IGSF9B: variants seen among roughly 807,000 people sequenced by gnomAD.
The protein encoded by IGSF9B is immunoglobulin superfamily member 9B.
A neutral mutation model predicts 143.7 loss-of-function variants in IGSF9B; 48 were observed. The ratio of observed to expected loss-of-function variants is 0.33; its 90% CI spans 0.26 to 0.42. The LOEUF (loss-of-function observed/expected upper bound fraction) is 0.42. Among genes scored for constraint, IGSF9B ranks in the 20% least tolerant of loss-of-function variants. The probability of loss-of-function intolerance (pLI) is 1.00; values close to 1 mark genes in which losing one functional copy is unlikely to be tolerated. For missense variants in IGSF9B, 1,706 were observed against 1,980.0 expected, an observed-to-expected ratio of 0.86 and a Z score of 2.63; for synonymous variants, 903 against 833.1, an observed-to-expected ratio of 1.08 and a Z score of -1.44.
chr11:133,936,015 G>A (rs1215125193), intron 6 of IGSF9B, 38 bp downstream of exon 6: 1 of 1,606,544 alleles, frequency 6.2e-7, no homozygotes, highest in Non-Finnish European at 8.5e-7. Flanking sequence ...GGGGGCTGGG[G>A]TGGCAACCTC....
chr11:133,942,461 A>C (rs573321325), intron 3 of IGSF9B, among the ~76,000 whole-genome samples: 32 of 152,308 alleles, frequency 2.1e-4, no homozygotes, highest in African/African-American at 7.5e-4. Context: ...CGTGCAAACT[A>C]ACACAGATAC....
intron 3 of IGSF9B, among the ~76,000 whole-genome samples, chr11:133,940,131 C>T (rs1236186749): frequency 7.5e-5 from 11 of 146,494 alleles, no homozygotes; most frequent in Non-Finnish European, 1.5e-4. Context: ...CGCACGTCCT[C>T]GCACGCGTCA....
Position 133,937,874 on chromosome 11 carries a change from T to C in IGSF9B, c.497A>G (p.Asn166Ser). ...SITMTCTAFGNPKPIVTWLKE... is the reference protein window; with the variant it reads ...SITMTCTAFGSPKPIVTWLKE... ...GAGCCAGGTGACAATGGGCTTGGGG[T>C]TCCCAAAAGCTGTGCAGGTCATGGT... Residue 166 changes from asparagine (N) to serine (S), a missense_variant, in exon 4 of 20, where the codon AAC becomes AGC. By Grantham distance (46) the Asn-to-Ser change is conservative (BLOSUM62 1). Transcript: ENST00000533871. The C allele has an allele frequency of 6.2e-7, 1 of 1,611,848 alleles. No homozygotes were observed.
chr11:133,952,062 C>T (rs975499176), intron 1 of IGSF9B: 2 of 455,732 alleles, frequency 4.4e-6, no homozygotes, highest in Non-Finnish European at 8.8e-6. Context: ...TCAGAAAGGA[C>T]AGTCAGGCCG....
chr11:133,956,533 G>A (rs1030273158), intron 1 of IGSF9B, among the ~76,000 whole-genome samples, 158 bp downstream of exon 1: 30 of 180 alleles, frequency 0.17, no homozygotes, highest in African/African-American at 0.35. Flanking sequence ...ATGCTCCCGG[G>A]CCGCCTGGCC....
At chr11:133,944,108 G>C in intron 3 of IGSF9B, 112 bp downstream of exon 3, 3 of 1,167,506 alleles carry the variant, frequency 2.6e-6, no homozygotes, top group Non-Finnish European at 3.6e-6. Flanking sequence ...GAGGGGGGCA[G>C]GGGGTGAGAT....
At chr11:133,954,766 A>G (rs1211053206) in intron 1 of IGSF9B, among the ~76,000 whole-genome samples, 1 of 152,124 alleles carries the variant, frequency 6.6e-6, no homozygotes, top group Non-Finnish European at 1.5e-5. Flanking sequence ...CCACACACAG[A>G]GCAATTGAGG....
Position 133,935,740 on chromosome 11 carries a change from T to C in IGSF9B, c.844A>G (p.Ile282Val). 14 of 1,612,218 alleles carry C rather than the reference T, an allele frequency of 8.7e-6. No homozygotes were observed. The highest frequency in any genetic ancestry group is 1.1e-5 in the Non-Finnish European group (13 of 1,179,432). The part of the protein sequence containing the change: ...FQNDLKLRVR[I>V]LIDGTLIIFR... ...ATGATCAGGGTCCCATCGATTAGGATGCGCACCCTCAGCTTCAGGTCGCTG... is the reference window on the plus strand; with the variant it reads ...ATGATCAGGGTCCCATCGATTAGGACGCGCACCCTCAGCTTCAGGTCGCTG... Residue 282 changes from isoleucine to valine, a missense_variant, in exon 7 of 20, where the codon ATC becomes GTC. Transcript: ENST00000533871.
chr11:133,940,317 CAG>C (rs1275277329), intron 3 of IGSF9B, among the ~76,000 whole-genome samples: 3 of 137,634 alleles, frequency 2.2e-5, no homozygotes, highest in Non-Finnish European at 3.1e-5. Context: ...TCATCGCACG[CAG>C]AAACATACAC....
intron 1 of IGSF9B, among the ~76,000 whole-genome samples, chr11:133,951,488 C>G (rs974085511): frequency 2.0e-5 from 3 of 152,236 alleles, no homozygotes; most frequent in African/African-American, 4.8e-5. Context: ...GGGGGCCGCT[C>G]CGGCCCTGAG....
intron 18 of IGSF9B, chr11:133,919,203 G>A (rs919314205): frequency 5.5e-5 from 21 of 383,450 alleles, no homozygotes; most frequent in Non-Finnish European, 7.8e-5. Context: ...TGAGGAGGGG[G>A]CTGGAGTCCG....
chr11:133,935,169 G>A lies in IGSF9B; in HGVS notation c.967+448C>T, dbSNP rs575971208. ...GCAGGAGCTGGAGCACATCGCCCCC[G>A]ACACAGACGCGGTGTGGAAAGGCAG... On this transcript the variant is annotated intron_variant, in intron 7 of 19. Transcript: ENST00000533871. Among the ~76,000 whole-genome samples, 21 of 152,326 alleles carry A rather than the reference G, an allele frequency of 1.4e-4. No homozygotes were observed. The South Asian group carries it at 3.7e-3, about 27-fold the overall frequency.
chr11:133,952,263 G>T (rs1462594817), intron 1 of IGSF9B: 3 of 338,308 alleles, frequency 8.9e-6, no homozygotes, highest in African/African-American at 4.3e-5. Context: ...GGCATAAGCT[G>T]CCTATCCAAC....
chr11:133,921,373 G>A lies in IGSF9B; in HGVS notation c.2352C>T (p.Pro784=), dbSNP rs562625471. The A allele has an allele frequency of 1.1e-4, 166 of 1,537,772 alleles. No homozygotes were observed. In the African/African-American group the frequency reaches 1.3e-3, roughly 12 times the overall value. ...GCGCTCGGAGCGTGCGGATGCTCTC[G>A]GGGCTCACCTTGCCAGAGGACAAGC... The part of the protein sequence containing the change: ...ESPLSSGKVS[P]ESIRTLRAPS... Residue 784 remains proline (P), a synonymous_variant, in exon 18 of 20, where the codon CCC becomes CCT. Coordinates refer to ENST00000533871, the MANE Select transcript of IGSF9B (RefSeq NM_001277285.4).
intron 1 of IGSF9B, among the ~76,000 whole-genome samples, chr11:133,947,352 C>G (rs73034287): frequency 0.11 from 16,879 of 152,300 alleles, 1,041 homozygotes; most frequent in South Asian, 0.21. Context: ...AGCCTCACCC[C>G]CTTCATTCCC....
Position 133,932,190 on chromosome 11 carries a change from G to A in IGSF9B, c.991C>T (p.Pro331Ser). ...VQYPARVLNM[P>S]PVIYVPVGIH... ...CCCACGGGCACGTAAATCACAGGGG[G>A]CATGTTGAGGACACGCGCTGGGTCT... is the stretch of plus-strand genomic sequence containing the variant. Residue 331 changes from proline to serine, a missense_variant, in exon 8 of 20, where the codon CCC becomes TCC. By Grantham distance (74) the Pro-to-Ser change is moderately conservative (BLOSUM62 -1). Coordinates refer to ENST00000533871, the MANE Select transcript of IGSF9B (RefSeq NM_001277285.4). 1 of 1,580,302 alleles carries A rather than the reference G, an allele frequency of 6.3e-7. No individual in the cohort carries two copies. The highest frequency in any genetic ancestry group is 1.2e-5 in the South Asian group (1 of 86,692).
chr11:133,916,613 C>A (rs553714722), intron 18 of IGSF9B, among the ~76,000 whole-genome samples: 6 of 152,210 alleles, frequency 3.9e-5, no homozygotes. Flanking sequence ...CTCATCGCTG[C>A]CCCTGGTTTC....
Position 133,920,858 on chromosome 11 carries a change from G to A in IGSF9B, c.2867C>T (p.Pro956Leu), listed in dbSNP as rs752645864. Residue 956 changes from proline to leucine, a missense_variant, in exon 18 of 20, where the codon CCT becomes CTT. This residue lies in a region of IGSF9B where 880 missense variants were observed against 762.9 expected (regional missense o/e 1.15). Coordinates refer to ENST00000533871, the MANE Select transcript of IGSF9B (RefSeq NM_001277285.4). Reference protein sequence around the residue: ...RLQATGQARPPAPRPFHHGQY... With the variant: ...RLQATGQARPLAPRPFHHGQY... ...GCCATGGTGGAAGGGCCGGGGGGCA[G>A]GGGGCCGGGCCTGGCCTGTGGCCTG... 9 of 1,600,300 alleles carry A rather than the reference G, an allele frequency of 5.6e-6. No homozygotes were observed. Among genetic ancestry groups the A allele is most frequent in the Non-Finnish European group, 7.7e-6 (9 of 1,172,850 alleles).
At chr11:133,956,631 G>A (rs1940261326) in intron 1 of IGSF9B, 60 bp downstream of exon 1, 4 of 1,167,910 alleles carry the variant, frequency 3.4e-6, no homozygotes, top group East Asian at 6.1e-5. Flanking sequence ...CCGAGGGGCC[G>A]GGCGCGAGGG....
Sources: allele counts gnomAD v4.1 joint callset (sites outside exome capture counted in the v4.1 genomes callset), GRCh38; gene constraint gnomAD v4.1.1; regional missense constraint gnomAD v4.1.1; transcripts MANE v1.5; gene names NCBI Gene and HGNC (gene_info 2026-07-23, HGNC 2026-07-21).